The following FBLN7 variants were observed in gnomAD, a reference collection of about 807,000 sequenced individuals.
The protein encoded by FBLN7 is fibulin 7.
A neutral mutation model predicts 44.0 loss-of-function variants in FBLN7; 31 were observed. The observed-to-expected ratio is 0.70, with a 90% CI of 0.53 to 0.95. FBLN7 has a LOEUF of 0.95. Ranked by LOEUF, FBLN7 falls within the 40% of genes least tolerant of loss-of-function variation. The pLI is 0.00. For missense variants in FBLN7, 573 were observed against 618.5 expected (o/e 0.93, Z 0.78); for synonymous variants, 262 against 253.4 (o/e 1.03, Z -0.32).
intron 1 of FBLN7, among the ~76,000 whole-genome samples, chr2:112,140,399 G>A (rs1366370148): frequency 2.0e-5 from 3 of 152,222 alleles, no homozygotes; most frequent in Non-Finnish European, 2.9e-5. Context: ...TGGGGGACCC[G>A]GGCTTGCCAC....
At chr2:112,210,003 C>G in the FBLN7 span, among the ~76,000 whole-genome samples, 1 of 151,574 alleles carries the variant, frequency 6.6e-6, no homozygotes, top group Non-Finnish European at 1.5e-5. Context: ...TGCTGGCAGC[C>G]CAGCACGGGG....
intron 1 of FBLN7, among the ~76,000 whole-genome samples, chr2:112,148,191 C>T (rs1366888766): frequency 2.6e-5 from 4 of 152,124 alleles, no homozygotes; most frequent in South Asian, 2.1e-4. Flanking sequence ...ATTTAGCTGC[C>T]GATTCGGATT....
the FBLN7 span, among the ~76,000 whole-genome samples, chr2:112,198,735 A>G: frequency 6.6e-6 from 1 of 152,246 alleles, no homozygotes; most frequent in Non-Finnish European, 1.5e-5. Flanking sequence ...TTTATGGGTC[A>G]TGAAACAGGT....
At chr2:112,154,598 C>T (rs542062426) in intron 1 of FBLN7, among the ~76,000 whole-genome samples, 1 of 152,284 alleles carries the variant, frequency 6.6e-6, no homozygotes, top group South Asian at 2.1e-4. Flanking sequence ...GATGGGAAAG[C>T]CTCACCCAAA....
Position 112,160,183 on chromosome 2 carries a change from G to T in FBLN7, c.235+348G>T, listed in dbSNP as rs532018271. ...TTTTTTGTATTTTTAGTAGAGACGG[G>T]GTTTCACCTTGTTAGCCAGGATGGT... On this transcript the variant is annotated intron_variant, in intron 2 of 7. Coordinates refer to ENST00000331203, the MANE Select transcript of FBLN7 (RefSeq NM_153214.3). Among the ~76,000 whole-genome samples the T allele has an allele frequency of 2.0e-5, 3 of 152,170 alleles. No individual in the cohort carries two copies. In the South Asian group the frequency reaches 6.2e-4, roughly 32 times the overall value.
downstream of FBLN7, chr2:112,190,485 A>G (rs1223527996): frequency 1.3e-5 from 2 of 152,164 alleles, no homozygotes; most frequent in Admixed American, 6.5e-5. Flanking sequence ...TCAAAATGAG[A>G]TGGTTCACAG....
At chr2:112,149,767 A>G (rs901057436) in intron 1 of FBLN7, among the ~76,000 whole-genome samples, 3 of 152,198 alleles carry the variant, frequency 2.0e-5, no homozygotes, top group African/African-American at 7.2e-5. Context: ...AAGCACCCAT[A>G]ATTTGACTGG....
chr2:112,213,534 TG>T, the FBLN7 span: 2 of 151,590 alleles, frequency 1.3e-5, no homozygotes, highest in African/African-American at 4.8e-5. Context: ...CCCAGCACTT[TG>T]GGAGGCCGAG....
chr2:112,197,680 C>T, the FBLN7 span, among the ~76,000 whole-genome samples: 1 of 152,224 alleles, frequency 6.6e-6, no homozygotes, highest in Non-Finnish European at 1.5e-5. Context: ...CCAGTCACTT[C>T]ACTTCAAGTC....
chr2:112,175,635 C>A lies in FBLN7; in HGVS notation c.407-79C>A, dbSNP rs1682701909. ...TCTCCTACAATGTAAAGGAAGTTAACCCTTCATCAGTTTTTTATTGTATTT... is the reference window on the plus strand; with the variant it reads ...TCTCCTACAATGTAAAGGAAGTTAAACCTTCATCAGTTTTTTATTGTATTT... On this transcript the variant is annotated intron_variant, in intron 3 of 7. Coordinates refer to ENST00000331203, the MANE Select transcript of FBLN7 (RefSeq NM_153214.3). 27 of 1,545,898 alleles carry A rather than the reference C, an allele frequency of 1.7e-5. No individual in the cohort carries two copies. The South Asian group carries it at 1.8e-4, about 10-fold the overall frequency.
the FBLN7 span, chr2:112,213,140 A>G: frequency 1.3e-5 from 2 of 151,620 alleles, no homozygotes; most frequent in South Asian, 2.1e-4. Flanking sequence ...TGGCTAATTT[A>G]AAAATTTTTT....
the FBLN7 span, among the ~76,000 whole-genome samples, chr2:112,208,867 A>G: frequency 6.6e-6 from 1 of 152,194 alleles, no homozygotes; most frequent in Non-Finnish European, 1.5e-5. Flanking sequence ...TAACATAAAT[A>G]TATTTCTAGT....
intron 1 of FBLN7, among the ~76,000 whole-genome samples, chr2:112,146,605 A>G (rs1274502469): frequency 7.0e-6 from 1 of 142,368 alleles, no homozygotes; most frequent in Non-Finnish European, 1.5e-5. Context: ...TTCCAAGTGG[A>G]TATCCCTAGT....
the FBLN7 span, among the ~76,000 whole-genome samples, chr2:112,202,612 A>T: frequency 1.3e-5 from 2 of 152,106 alleles, no homozygotes; most frequent in Non-Finnish European, 2.9e-5. Flanking sequence ...ACTTTTTCAG[A>T]ATCTGGAAAT....
At position 112,188,168 on chromosome 2, in the gene FBLN7, C is replaced by T. The variant is rs1683362813; in HGVS notation, c.*662C>T. The T allele has an allele frequency of 6.6e-6, 1 of 152,274 alleles. No individual in the cohort carries two copies. The highest frequency in any genetic ancestry group is 1.5e-5 in the Non-Finnish European group (1 of 68,126). The allele number at this position is 152,274 out of a possible 1,614,324, so 9.4% of individuals were successfully genotyped here. On this transcript the variant is annotated 3_prime_UTR_variant, in exon 8 of 8. Transcript: ENST00000331203. ...CTTTTGAGAAATCATATCTCAAATA[C>T]ATAACCTGGTAATATAACTGAAAAA...
intron 3 of FBLN7, among the ~76,000 whole-genome samples, chr2:112,169,974 T>C (rs1360460943): frequency 2.6e-5 from 4 of 152,034 alleles, no homozygotes; most frequent in Non-Finnish European, 5.9e-5. Flanking sequence ...GGCGCGGTGG[T>C]TCATGCCTGT....
the FBLN7 span, chr2:112,213,775 CAAAAAAAAAAAAAAAAAAA>C: frequency 4.2e-4 from 10 of 24,076 alleles, no homozygotes; most frequent in East Asian, 8.4e-3. Flanking sequence ...GACTCCGTCT[CAAAAAAAAAAAAAAAAAAA>C]AAAAAAAAAA....
chr2:112,144,613 C>T (rs1429900343), intron 1 of FBLN7, among the ~76,000 whole-genome samples: 1 of 151,600 alleles, frequency 6.6e-6, no homozygotes, highest in Non-Finnish European at 1.5e-5. Flanking sequence ...CCACCTCCGC[C>T]TCCCGGGTTC....
At chr2:112,208,932 G>A in the FBLN7 span, among the ~76,000 whole-genome samples, 38,447 of 152,044 alleles carry the variant, frequency 0.25, 5,984 homozygotes, top group Middle Eastern at 0.42. Context: ...GCTGATTTCA[G>A]AAAAAGGTGA....
Sources: allele counts gnomAD v4.1 joint callset (sites outside exome capture counted in the v4.1 genomes callset), GRCh38; gene constraint gnomAD v4.1.1; transcripts MANE v1.5; gene names NCBI Gene and HGNC (gene_info 2026-07-23, HGNC 2026-07-21).